The following CEP350 variants were observed in gnomAD, a reference collection of about 807,000 sequenced individuals.
The protein encoded by CEP350 is centrosome-associated protein 350.
CEP350 carries 126 observed loss-of-function variants against 331.8 expected under a neutral mutation model. The ratio of observed to expected loss-of-function variants is 0.38; its 90% CI spans 0.33 to 0.44. The LOEUF is 0.44. Ranked by LOEUF, CEP350 falls within the 20% of genes least tolerant of loss-of-function variation. The pLI is 1.00. For synonymous variants in CEP350, 1,200 were observed against 1,259.5 expected (o/e 0.95, Z 1.00); for missense variants, 3,406 against 3,634.6 (o/e 0.94, Z 1.62).
Position 180,002,181 on chromosome 1 carries a change from A to G in CEP350, c.1019-993A>G, listed in dbSNP as rs79688387. ...CAAAATGGTACAGCTGCTTTAGAAA[A>G]CAGTTTGGTAGACTTGGCGCGGTGG... On this transcript the variant is annotated intron_variant, in intron 6 of 37. Transcript: ENST00000367607. 6.6e-3 allele frequency among the ~76,000 whole-genome samples: 1,007 copies of G among 152,178 alleles called. 7 individuals are homozygous for G. The highest frequency in any genetic ancestry group is 1.0e-2 in the Non-Finnish European group (678 of 67,984).
chr1:180,053,986 G>T, intron 24 of CEP350, 52 bp downstream of exon 24: 1 of 1,347,170 alleles, frequency 7.4e-7, no homozygotes, highest in Non-Finnish European at 9.9e-7. Context: ...AAAATGGAAT[G>T]CTTTATATTT....
chr1:180,071,884 C>T (rs981776917), intron 27 of CEP350, among the ~76,000 whole-genome samples: 12 of 152,158 alleles, frequency 7.9e-5, no homozygotes, highest in African/African-American at 2.7e-4. Context: ...ATATCTTATT[C>T]TTGTCCAGTG....
At chr1:179,994,456 C>CT (rs532002663) in intron 5 of CEP350, among the ~76,000 whole-genome samples, 16,842 of 135,902 alleles carry the variant, frequency 0.12, 1,155 homozygotes, top group South Asian at 0.16. Context: ...TTCTTTCTTT[C>CT]TTTTTTTTTT....
intron 6 of CEP350, among the ~76,000 whole-genome samples, chr1:179,997,439 A>C (rs1243415642): frequency 6.6e-6 from 1 of 151,536 alleles, no homozygotes; most frequent in Non-Finnish European, 1.5e-5. Context: ...ACTGCTCGGG[A>C]GGCTGAGGCA....
chr1:180,071,777 G>A (rs1382070746), intron 27 of CEP350, among the ~76,000 whole-genome samples: 5 of 77,050 alleles, frequency 6.5e-5, no homozygotes, highest in Non-Finnish European at 1.1e-4. Context: ...GCAAGACTCC[G>A]TCTCAAAAAA....
At position 179,976,608 on chromosome 1, in the gene CEP350, C is replaced by T. The variant is rs572887692; in HGVS notation, c.-13-9561C>T. On this transcript the variant is annotated intron_variant, in intron 1 of 37. Transcript: ENST00000367607. ...GGTGGAGCTTGCAGTGAGCCGAGAT[C>T]GCGCCACTGCACTACAGCCTGGGCG... 2.6e-4 allele frequency among the ~76,000 whole-genome samples: 39 copies of T among 150,194 alleles called. No homozygotes were observed. The South Asian group carries it at 7.2e-3, about 28-fold the overall frequency.
In CEP350 at chr1:180,037,529, G is replaced by A. The variant is rs557191406; in HGVS notation, c.4110+440G>A. 9.2e-5 allele frequency among the ~76,000 whole-genome samples: 14 copies of A among 151,600 alleles called. No individual in the cohort carries two copies. The South Asian group carries it at 2.9e-3, about 32-fold the overall frequency. On this transcript the variant is annotated intron_variant, in intron 17 of 37. Transcript: ENST00000367607. Reference sequence around the variant, plus strand: ...CTTAGCAAACAAAAATCCAGAGATGGTCTAAGCGCTCTTCCCTTAGTGGAG... The same window carrying A: ...CTTAGCAAACAAAAATCCAGAGATGATCTAAGCGCTCTTCCCTTAGTGGAG...
At chr1:180,013,826 C>CT (rs768721120) in intron 9 of CEP350, 21 bp from the exon 10 acceptor site, 1 of 1,576,788 alleles carries the variant, frequency 6.3e-7, no homozygotes, top group Non-Finnish European at 8.6e-7. Flanking sequence ...CGGTATATCA[C>CT]TAACAGTTCA....
intron 13 of CEP350, among the ~76,000 whole-genome samples, chr1:180,023,368 A>G (rs190966675): frequency 6.6e-5 from 10 of 152,314 alleles, no homozygotes; most frequent in African/African-American, 2.2e-4. Context: ...TTCCTAGTAC[A>G]GTATTGGAGT....
intron 3 of CEP350, among the ~76,000 whole-genome samples, chr1:179,988,246 A>G (rs760397693): frequency 3.6e-4 from 54 of 151,576 alleles, no homozygotes; most frequent in Non-Finnish European, 6.0e-4. Context: ...GCAGTGAGCT[A>G]TGATCACACC....
Position 180,020,349 on chromosome 1 carries a change from A to G in CEP350, c.2575A>G (p.Thr859Ala), listed in dbSNP as rs1012202191. ...CATTAACTATGGGTCAGCATGGAAC[A>G]CTGAGTATGATGTGCAGCAGGCACC... ...ASINYGSAWN[T>A]EYDVQQAPQE... The change falls in exon 12 of 38, where the codon ACT (threonine) becomes GCT (alanine). Residue 859 changes from threonine (T) to alanine (A), a missense_variant. Thr to Ala is a moderately conservative substitution (Grantham distance 58, BLOSUM62 0). Transcript: ENST00000367607. 2.4e-5 allele frequency: 38 copies of G among 1,613,778 alleles called. No individual in the cohort carries two copies. The highest frequency in any genetic ancestry group is 3.1e-5 in the Non-Finnish European group (37 of 1,179,914).
At chr1:179,971,705 CT>C (rs1651468379) in intron 1 of CEP350, among the ~76,000 whole-genome samples, 1 of 152,154 alleles carries the variant, frequency 6.6e-6, no homozygotes, top group Admixed American at 6.5e-5. Context: ...CATTTTTCAA[CT>C]CTTTTTAGTG....
At chr1:180,091,245 T>G (rs2149125645) in intron 33 of CEP350, among the ~76,000 whole-genome samples, 1 of 151,972 alleles carries the variant, frequency 6.6e-6, no homozygotes, top group African/African-American at 2.4e-5. Flanking sequence ...TCTCGAACTC[T>G]TGGACTCACG....
chr1:179,988,917 C>CA (rs1343446395), intron 3 of CEP350, among the ~76,000 whole-genome samples: 13 of 152,112 alleles, frequency 8.5e-5, no homozygotes, highest in African/African-American at 2.7e-4. Flanking sequence ...CTTTCTTCTA[C>CA]CTGAGCATTA....
intron 26 of CEP350, among the ~76,000 whole-genome samples, chr1:180,064,050 G>A (rs1376862844): frequency 6.6e-6 from 1 of 152,162 alleles, no homozygotes; most frequent in South Asian, 2.1e-4. Context: ...CTACCTGAAA[G>A]TGGGTGCCCT....
rs921193822 is a variant in CEP350 at position 180,114,024 on chromosome 1, C to T, written c.*2863C>T. ...TTACCATAGGGAAAAGTGGGGAGAG[C>T]TCAAACGTAGTTAATAAGGAAGGTA... On this transcript the variant is annotated 3_prime_UTR_variant, in exon 38 of 38. Coordinates refer to ENST00000367607, the MANE Select transcript of CEP350 (RefSeq NM_014810.5). 1 of 152,550 alleles carries T rather than the reference C, an allele frequency of 6.6e-6. No individual in the cohort carries two copies. Among genetic ancestry groups the T allele is most frequent in the Non-Finnish European group, 1.5e-5 (1 of 68,004 alleles). The allele number at this position is 152,550 out of a possible 1,614,324, so 9.4% of individuals were successfully genotyped here. A position where few individuals can be genotyped will look rare whatever the true frequency, so the allele number is the denominator to read the frequency against.
chr1:179,969,898 T>C (rs1292252127), intron 1 of CEP350, among the ~76,000 whole-genome samples: 3 of 152,210 alleles, frequency 2.0e-5, no homozygotes, highest in Non-Finnish European at 4.4e-5. Flanking sequence ...AAGGGAAAAT[T>C]TTATAGTGAA....
chr1:180,027,773 T>C (rs1209770052), intron 14 of CEP350, among the ~76,000 whole-genome samples: 1 of 152,226 alleles, frequency 6.6e-6, no homozygotes, highest in Non-Finnish European at 1.5e-5. Context: ...CCATTATAAA[T>C]ACTACTGCAT....
intron 17 of CEP350, among the ~76,000 whole-genome samples, chr1:180,039,305 G>A (rs554025184): frequency 2.3e-4 from 33 of 146,422 alleles, no homozygotes; most frequent in African/African-American, 5.7e-4. Context: ...GGGAGGGGAG[G>A]GAGGAGAGGG....
Sources: gnomAD v4.1 joint callset for allele counts (sites outside exome capture counted in the v4.1 genomes callset) on GRCh38, gnomAD v4.1.1 for gene constraint, MANE v1.5 for transcripts, NCBI Gene and HGNC (gene_info 2026-07-23, HGNC 2026-07-21) for gene names.